SMAD3: variants seen among roughly 807,000 people sequenced by gnomAD.
SMAD3 encodes MAD homolog 3.
A neutral mutation model predicts 51.8 loss-of-function variants in SMAD3; 12 were observed. The ratio of observed to expected loss-of-function variants is 0.23; its 90% CI spans 0.15 to 0.38. The LOEUF is 0.38. Ranked by LOEUF, SMAD3 falls within the 10% of genes least tolerant of loss-of-function variation. The pLI, the probability that SMAD3 is intolerant of heterozygous loss-of-function variation, is 1.00. For synonymous variants in SMAD3, 238 were observed against 227.7 expected (o/e 1.05, Z -0.41); for missense variants, 294 against 565.6 (o/e 0.52, Z 4.87).
chr15:67,146,733 C>G (rs924227528), intron 1 of SMAD3, among the ~76,000 whole-genome samples: 3 of 152,282 alleles, frequency 2.0e-5, no homozygotes, highest in Admixed American at 2.0e-4. Context: ...CTGTAGCTGC[C>G]TCTTCAGGGT....
At chr15:67,129,010 G>T (rs1961458055) in intron 1 of SMAD3, among the ~76,000 whole-genome samples, 1 of 152,152 alleles carries the variant, frequency 6.6e-6, no homozygotes, top group African/African-American at 2.4e-5. Context: ...CTCAGGCCCA[G>T]CCACTTACCC....
At chr15:67,179,539 G>A (rs1204075137) in intron 5 of SMAD3, among the ~76,000 whole-genome samples, 3 of 152,228 alleles carry the variant, frequency 2.0e-5, no homozygotes, top group Admixed American at 6.5e-5. Context: ...TGTGTGGAGT[G>A]CAGGGGTGTT....
intron 1 of SMAD3, among the ~76,000 whole-genome samples, chr15:67,145,657 TATGAAGGGCCTAC>T (rs1169531539): frequency 6.6e-6 from 1 of 152,144 alleles, no homozygotes; most frequent in Non-Finnish European, 1.5e-5. Flanking sequence ...CTTACCGGTT[TATGAAGGGCCTAC>T]ATGTGCAATC....
intron 8 of SMAD3, among the ~76,000 whole-genome samples, chr15:67,188,587 G>C (rs546309831): frequency 6.6e-6 from 1 of 152,194 alleles, no homozygotes; most frequent in Non-Finnish European, 1.5e-5. Flanking sequence ...GCAGGGCTGT[G>C]TGCCCCCGCC....
At chr15:67,151,487 C>T (rs982233525) in intron 1 of SMAD3, among the ~76,000 whole-genome samples, 2 of 152,120 alleles carry the variant, frequency 1.3e-5, no homozygotes, top group Non-Finnish European at 2.9e-5. Flanking sequence ...CTTGCGCCAC[C>T]ATGCCCGGCT....
At chr15:67,181,938 C>G (rs562994168) in intron 6 of SMAD3, among the ~76,000 whole-genome samples, 1 of 152,034 alleles carries the variant, frequency 6.6e-6, no homozygotes, top group Non-Finnish European at 1.5e-5. Context: ...GGCACCCAAC[C>G]ACCACGCCCA....
chr15:67,109,933 C>T (rs761379993), intron 1 of SMAD3, among the ~76,000 whole-genome samples: 1 of 152,206 alleles, frequency 6.6e-6, no homozygotes, highest in Non-Finnish European at 1.5e-5. Context: ...AGCCATAGCT[C>T]CCAGGCTCGT....
intron 1 of SMAD3, among the ~76,000 whole-genome samples, chr15:67,081,347 A>G (rs760202150): frequency 1.3e-5 from 2 of 152,006 alleles, no homozygotes; most frequent in African/African-American, 2.4e-5. Context: ...GAGTCTCCTG[A>G]GTTACAGCTC....
intron 5 of SMAD3, 55 bp from the exon 6 acceptor site, chr15:67,181,186 G>A (rs1036636924): frequency 8.1e-5 from 110 of 1,363,554 alleles, no homozygotes; most frequent in Non-Finnish European, 1.1e-4. Context: ...ACCCCATCGA[G>A]GGAGCATGGG....
rs774180178 is a variant in SMAD3, at chr15:67,184,875, C to T, written c.1009+11C>T. On this transcript the variant is annotated intron_variant, in intron 7 of 8. Coordinates refer to ENST00000327367, the MANE Select transcript of SMAD3 (RefSeq NM_005902.4). ...GCAAGATCCCACCAGGTAAACGAGCCGCACAGGCACCCCTGCCTTGAGGTC... is the reference window on the plus strand; with the variant it reads ...GCAAGATCCCACCAGGTAAACGAGCTGCACAGGCACCCCTGCCTTGAGGTC... The T allele has an allele frequency of 1.2e-5, 19 of 1,612,290 alleles. No homozygotes were observed. The East Asian group carries it at 1.3e-4, about 11-fold the overall frequency.
At chr15:67,118,679 T>C (rs759097720) in intron 1 of SMAD3, among the ~76,000 whole-genome samples, 10 of 152,168 alleles carry the variant, frequency 6.6e-5, no homozygotes, top group Non-Finnish European at 1.3e-4. Flanking sequence ...TCACAGTCTC[T>C]CAATGTGATG....
chr15:67,083,827 A>G (rs1960327449), intron 1 of SMAD3, among the ~76,000 whole-genome samples: 1 of 152,194 alleles, frequency 6.6e-6, no homozygotes, highest in Non-Finnish European at 1.5e-5. Flanking sequence ...CCCAGGTTCT[A>G]AAAAGTGTTG....
intron 4 of SMAD3, among the ~76,000 whole-genome samples, chr15:67,170,109 TG>T (rs1962706706): frequency 6.6e-6 from 1 of 152,192 alleles, no homozygotes; most frequent in Non-Finnish European, 1.5e-5. Flanking sequence ...CCTGCCTGTG[TG>T]GGAGGGCTGG....
intron 4 of SMAD3, 21 bp from the exon 5 acceptor site, chr15:67,170,533 A>G (rs1031715740): frequency 1.2e-6 from 2 of 1,611,206 alleles, no homozygotes; most frequent in Non-Finnish European, 1.7e-6. Flanking sequence ...GTGAAGTCTC[A>G]CAACTTGTCT....
At chr15:67,082,461 A>G (rs1486922459) in intron 1 of SMAD3, among the ~76,000 whole-genome samples, 1 of 152,214 alleles carries the variant, frequency 6.6e-6, no homozygotes, top group Non-Finnish European at 1.5e-5. Context: ...CCTCAGGGGA[A>G]ATTTTCTAAA....
At chr15:67,126,705 G>A (rs1204076415) in intron 1 of SMAD3, among the ~76,000 whole-genome samples, 1 of 152,200 alleles carries the variant, frequency 6.6e-6, no homozygotes, top group East Asian at 1.9e-4. Context: ...TTGGCACACA[G>A]TAGGCCCTTG....
intron 1 of SMAD3, among the ~76,000 whole-genome samples, chr15:67,136,415 C>T (rs1961664261): frequency 6.6e-6 from 1 of 151,740 alleles, no homozygotes; most frequent in Non-Finnish European, 1.5e-5. Context: ...TCACTGCAAC[C>T]TCCGCCTTCC....
At chr15:67,088,436 C>G (rs1162254345) in intron 1 of SMAD3, among the ~76,000 whole-genome samples, 1 of 152,116 alleles carries the variant, frequency 6.6e-6, no homozygotes, top group Non-Finnish European at 1.5e-5. Context: ...CACGTGGAAG[C>G]GGGGGAGGCA....
chr15:67,081,854 C>T (rs957097492), intron 1 of SMAD3, among the ~76,000 whole-genome samples: 3 of 152,066 alleles, frequency 2.0e-5, no homozygotes, highest in Non-Finnish European at 2.9e-5. Flanking sequence ...AGAAGCCTCT[C>T]GAGGTCAAGG....
Sources: allele counts gnomAD v4.1 joint callset (sites outside exome capture counted in the v4.1 genomes callset), GRCh38; gene constraint gnomAD v4.1.1; transcripts MANE v1.5; gene names NCBI Gene and HGNC (gene_info 2026-07-23, HGNC 2026-07-21).